Variants in HELQ observed in about 807,000 individuals in gnomAD.
HELQ encodes helicase POLQ-like.
A neutral mutation model predicts 111.6 loss-of-function variants in HELQ; 77 were observed. The observed-to-expected ratio is 0.69, with a 90% CI of 0.57 to 0.83. HELQ has a LOEUF of 0.83. HELQ is among the 40% of genes least tolerant of loss of function. The pLI, the probability that HELQ is intolerant of heterozygous loss-of-function variation, is 0.00. For synonymous variants in HELQ, 438 were observed against 454.7 expected (o/e 0.96, Z 0.47); for missense variants, 1,200 against 1,288.5 (o/e 0.93, Z 1.05).
chr4:83,436,067 A>T (rs1720440763), intron 9 of HELQ, among the ~76,000 whole-genome samples: 1 of 152,130 alleles, frequency 6.6e-6, no homozygotes, highest in Non-Finnish European at 1.5e-5. Flanking sequence ...ATTCGGCAAT[A>T]AGATATTTGA....
intron 16 of HELQ, among the ~76,000 whole-genome samples, chr4:83,417,529 C>T (rs1739429687): frequency 6.6e-6 from 1 of 152,098 alleles, no homozygotes; most frequent in Admixed American, 6.6e-5. Context: ...GTGTTCTCAC[C>T]ATCTACTCAG....
At chr4:83,427,491 AAAAAC>A (rs1719906786) in intron 13 of HELQ, 67 bp downstream of exon 13, 1 of 1,324,734 alleles carries the variant, frequency 7.5e-7, no homozygotes. Context: ...CTCATCTCTA[AAAAAC>A]AAAACAAAAC....
intron 12 of HELQ, among the ~76,000 whole-genome samples, chr4:83,428,504 C>T (rs1311316705): frequency 2.0e-5 from 3 of 152,016 alleles, no homozygotes; most frequent in Admixed American, 1.3e-4. Flanking sequence ...AAGGTTGCAG[C>T]GAGCTGAGAT....
At chr4:83,408,100 A>C (rs1738882843) in intron 17 of HELQ, among the ~76,000 whole-genome samples, 1 of 152,184 alleles carries the variant, frequency 6.6e-6, no homozygotes, top group South Asian at 2.1e-4. Flanking sequence ...TTTTTACCAA[A>C]TAATAAGCTA....
At chr4:83,411,167 A>AC (rs1266269860) in intron 17 of HELQ, among the ~76,000 whole-genome samples, 1 of 151,168 alleles carries the variant, frequency 6.6e-6, no homozygotes, top group Non-Finnish European at 1.5e-5. Flanking sequence ...CAAAAAAAAA[A>AC]AAAAAAAAAA....
At chr4:83,420,769 T>C (rs1739636923) in intron 15 of HELQ, among the ~76,000 whole-genome samples, 1 of 151,726 alleles carries the variant, frequency 6.6e-6, no homozygotes, top group African/African-American at 2.4e-5. Context: ...TGAGACTCCA[T>C]CTCAAAAAAA....
At chr4:83,428,469 G>A (rs1174665079) in intron 12 of HELQ, among the ~76,000 whole-genome samples, 2 of 152,154 alleles carry the variant, frequency 1.3e-5, no homozygotes, top group East Asian at 1.9e-4. Context: ...GCTGAGGTGG[G>A]AGAATCATTT....
intron 4 of HELQ, among the ~76,000 whole-genome samples, chr4:83,446,468 G>A (rs530241083): frequency 2.6e-4 from 39 of 151,876 alleles, no homozygotes; most frequent in African/African-American, 7.0e-4. Context: ...CACCACGCCC[G>A]GCTAATTTTT....
intron 16 of HELQ, 27 bp from the exon 17 acceptor site, chr4:83,416,892 G>A: frequency 6.4e-7 from 1 of 1,561,922 alleles, no homozygotes; most frequent in Non-Finnish European, 8.6e-7. Context: ...AAATCAGTAG[G>A]ATAATAGTTT....
At chr4:83,427,167 A>G (rs1422384841) in intron 13 of HELQ, among the ~76,000 whole-genome samples, 3 of 152,192 alleles carry the variant, frequency 2.0e-5, no homozygotes, top group African/African-American at 7.2e-5. Flanking sequence ...GACCACGGAT[A>G]ATCTTTTTTT....
chr4:83,441,195 C>A, intron 7 of HELQ, 110 bp downstream of exon 7: 1 of 656,302 alleles, frequency 1.5e-6, no homozygotes, highest in Non-Finnish European at 2.7e-6. Context: ...TGTCAAGCAT[C>A]AGCTGTTTCT....
At chr4:83,425,279 CAAAA>C (rs11319573) in intron 14 of HELQ, among the ~76,000 whole-genome samples, 2 of 70,376 alleles carry the variant, frequency 2.8e-5, no homozygotes, top group Middle Eastern at 6.3e-3. Context: ...GACTGCACCT[CAAAA>C]AAAAAAAAAA....
rs1739463122 is a variant in HELQ at position 83,418,179 on chromosome 4, C to A, written c.2977G>T (p.Ala993Ser). ...EELEEFWVYR[A>S]LLVELTKKLT... ...TTCTTGGTAAGTTCTACCAAAAGGG[C>A]TCTGTAAACCCAAAACTCCTCAAGC... Residue 993 changes from alanine to serine, a missense_variant, in exon 16 of 18, where the codon GCC (alanine) becomes TCC (serine). Transcript: ENST00000295488. The A allele has an allele frequency of 6.2e-7, 1 of 1,604,716 alleles. No homozygotes were observed.
intron 8 of HELQ, among the ~76,000 whole-genome samples, chr4:83,439,114 C>T (rs1720624103): frequency 6.6e-6 from 1 of 151,968 alleles, no homozygotes; most frequent in African/African-American, 2.4e-5. Flanking sequence ...GTCACCCAGG[C>T]TGGAGTGCAA....
chr4:83,444,134 G>A (rs1720920480), intron 5 of HELQ, among the ~76,000 whole-genome samples: 1 of 152,188 alleles, frequency 6.6e-6, no homozygotes, highest in African/African-American at 2.4e-5. Context: ...TTACTACTTA[G>A]AAGTTTACAG....
In HELQ at chr4:83,409,879, T is replaced by C. The variant is rs934960831; in HGVS notation, c.3199-2319A>G. On this transcript the variant is annotated intron_variant, in intron 17 of 17. Coordinates refer to ENST00000295488, the MANE Select transcript of HELQ (RefSeq NM_133636.5). ...CTATAACTAAATAACTGGGTGTCCATAGAAAAACAGATTTAAATAAAAAAC... is the reference window on the plus strand; with the variant it reads ...CTATAACTAAATAACTGGGTGTCCACAGAAAAACAGATTTAAATAAAAAAC... Among the ~76,000 whole-genome samples, 8 of 152,012 alleles carry C rather than the reference T, an allele frequency of 5.3e-5. No homozygotes were observed. The East Asian group carries it at 7.7e-4, about 15-fold the overall frequency.
Position 83,432,128 on chromosome 4 carries a change from GTTGT to G in HELQ, c.2184_2187del (p.Lys728AsnfsTer6), listed in dbSNP as rs775753762. ...CAACCAACCAAATTGAGTATTACCT[GTTGT>G]TTGTCTTTTTCTTGCAATATGAGGA... On this transcript the variant is annotated frameshift_variant, in exon 10 of 18. Coordinates refer to ENST00000295488, the MANE Select transcript of HELQ (RefSeq NM_133636.5). LOFTEE classifies it high-confidence loss of function. 6.3e-7 allele frequency: 1 copy of G among 1,578,260 alleles called. No homozygotes were observed. The highest frequency in any genetic ancestry group is 1.2e-5 in the South Asian group (1 of 83,740).
chr4:83,421,721 C>T lies in HELQ; in HGVS notation c.2791G>A (p.Val931Ile), dbSNP rs748368408. ...AAAGACAGATATAGCCTGTTGACAA[C>T]GTTCTTGTCCACCTTCTAGAAAGAC... is the stretch of plus-strand genomic sequence containing the variant. ...QAIGKKVDKN[V>I]VNRLYLSFVL... Residue 931 changes from valine to isoleucine, a missense_variant, in exon 15 of 18, where the codon GTT (valine) becomes ATT (isoleucine). This residue lies in a region of HELQ where 585 missense variants were observed against 665.3 expected (regional missense o/e 0.88). Transcript: ENST00000295488. 1.4e-5 allele frequency: 22 copies of T among 1,612,670 alleles called. No individual in the cohort carries two copies. Among genetic ancestry groups the T allele is most frequent in the Admixed American group, 1.2e-4 (7 of 59,734 alleles).
chr4:83,453,749 A>C lies in HELQ; in HGVS notation c.494T>G (p.Leu165Arg). 6.2e-7 allele frequency: 1 copy of C among 1,614,156 alleles called. No homozygotes were observed. The highest frequency in any genetic ancestry group is 8.5e-7 in the Non-Finnish European group (1 of 1,180,022). ...GTGCTTATCAGTTTGTAATTCAGTA[A>C]GGTTGCCTATGGTAGTAATGCTGAG... ...NKLSITTIGN[L>R]TELQTDKHTE... Residue 165 changes from leucine to arginine, a missense_variant, in exon 2 of 18, where the codon CTT becomes CGT. Leu to Arg is a moderately radical substitution (Grantham distance 102). Transcript: ENST00000295488.
Sources: allele counts gnomAD v4.1 joint callset (sites outside exome capture counted in the v4.1 genomes callset), GRCh38; gene constraint gnomAD v4.1.1; regional missense constraint gnomAD v4.1.1; transcripts MANE v1.5; gene names NCBI Gene and HGNC (gene_info 2026-07-23, HGNC 2026-07-21).